Variants in LRFN5 observed in about 807,000 individuals in gnomAD.
The protein encoded by LRFN5 is leucine rich repeat and fibronectin type III domain containing 5, also known as leucine-rich repeat and fibronectin type-III domain-containing protein 5.
A neutral mutation model predicts 45.6 loss-of-function variants in LRFN5; 24 were observed. The ratio of observed to expected loss-of-function variants is 0.53; its 90% CI spans 0.38 to 0.74. The LOEUF (loss-of-function observed/expected upper bound fraction) is 0.74, where lower values mean the gene tolerates loss of function less well. Among genes scored for constraint, LRFN5 ranks in the 30% least tolerant of loss-of-function variants. The pLI is 0.00. For synonymous variants in LRFN5, 340 were observed against 313.8 expected (o/e 1.08, Z -0.88); for missense variants, 776 against 861.5 (o/e 0.90, Z 1.24).
intron 1 of LRFN5, among the ~76,000 whole-genome samples, chr14:41,722,472 T>C (rs1245886072): frequency 6.6e-6 from 1 of 152,164 alleles, no homozygotes; most frequent in Admixed American, 6.5e-5. Context: ...TGATTTCTTA[T>C]GTGGAGACAC....
At chr14:41,759,533 T>C (rs887260364) in intron 1 of LRFN5, among the ~76,000 whole-genome samples, 3 of 151,634 alleles carry the variant, frequency 2.0e-5, no homozygotes, top group African/African-American at 7.3e-5. Context: ...TTTATTTTAT[T>C]TTATTGGCTA....
intron 2 of LRFN5, among the ~76,000 whole-genome samples, chr14:41,829,698 G>T (rs1287271225): frequency 2.1e-5 from 3 of 144,810 alleles, no homozygotes; most frequent in Non-Finnish European, 4.6e-5. Context: ...ATATATTTGT[G>T]TGTGTGCTTA....
At chr14:41,659,892 G>GTTTTTTTTTTTTTTTTTTTTTTTTTT (rs11352345) in intron 1 of LRFN5, among the ~76,000 whole-genome samples, 1 of 123,894 alleles carries the variant, frequency 8.1e-6, no homozygotes, top group Non-Finnish European at 1.8e-5. Context: ...ACTTTTTGAT[G>GTTTTTTTTTTTTTTTTTTTTTTTTTT]TTTTTTTTTT....
At chr14:41,628,981 A>G (rs1047259209) in intron 1 of LRFN5, among the ~76,000 whole-genome samples, 2 of 152,102 alleles carry the variant, frequency 1.3e-5, no homozygotes, top group Non-Finnish European at 2.9e-5. Context: ...TTAGTGTGTA[A>G]ACTGTTAAAA....
intron 1 of LRFN5, among the ~76,000 whole-genome samples, chr14:41,651,695 A>G (rs567150116): frequency 6.6e-6 from 1 of 152,314 alleles, no homozygotes; most frequent in East Asian, 1.9e-4. Context: ...TAACTGAGCC[A>G]CAAATTTTAC....
At chr14:41,705,762 T>C (rs1485004087) in intron 1 of LRFN5, among the ~76,000 whole-genome samples, 1 of 152,232 alleles carries the variant, frequency 6.6e-6, no homozygotes, top group Non-Finnish European at 1.5e-5. Flanking sequence ...TACACATTTA[T>C]AGTAAACGAT....
At chr14:41,634,970 GTTTTA>G (rs1879228026) in intron 1 of LRFN5, among the ~76,000 whole-genome samples, 3 of 152,024 alleles carry the variant, frequency 2.0e-5, no homozygotes, top group South Asian at 4.2e-4. Context: ...CATTTAAACA[GTTTTA>G]TTTTATGCTG....
chr14:41,805,402 A>ATTTAT (rs1444588353), intron 2 of LRFN5, among the ~76,000 whole-genome samples: 2 of 148,996 alleles, frequency 1.3e-5, no homozygotes, highest in African/African-American at 4.9e-5. Flanking sequence ...TTATTTATTT[A>ATTTAT]TTTATTTATT....
At chr14:41,874,801 G>T (rs571536689) in intron 2 of LRFN5, among the ~76,000 whole-genome samples, 1 of 152,118 alleles carries the variant, frequency 6.6e-6, no homozygotes, top group African/African-American at 2.4e-5. Context: ...ACAGTTTAGC[G>T]GGGCTGGAAA....
chr14:41,644,780 G>A (rs1879735121), intron 1 of LRFN5, among the ~76,000 whole-genome samples: 2 of 152,122 alleles, frequency 1.3e-5, no homozygotes, highest in Non-Finnish European at 2.9e-5. Flanking sequence ...CAGATGCTGA[G>A]GATCAGAACA....
chr14:41,782,347 T>C (rs890677241), intron 2 of LRFN5, among the ~76,000 whole-genome samples: 3 of 152,114 alleles, frequency 2.0e-5, no homozygotes, highest in Non-Finnish European at 4.4e-5. Context: ...CATTTTTCCT[T>C]TCTGTTACAA....
At chr14:41,838,445 G>A (rs886193364) in intron 2 of LRFN5, among the ~76,000 whole-genome samples, 19 of 152,036 alleles carry the variant, frequency 1.2e-4, no homozygotes, top group Admixed American at 7.9e-4. Context: ...GTATCTGCCC[G>A]CACCATACAA....
chr14:41,753,407 G>T (rs1163624302), intron 1 of LRFN5, among the ~76,000 whole-genome samples: 1 of 152,124 alleles, frequency 6.6e-6, no homozygotes, highest in Non-Finnish European at 1.5e-5. Context: ...AGCATGGAAT[G>T]TTCTTCCATT....
rs188562892 is a variant in LRFN5 at position 41,777,012 on chromosome 14, T to C, written c.-21+9983T>C. Among the ~76,000 whole-genome samples, 8 of 152,114 alleles carry C rather than the reference T, an allele frequency of 5.3e-5. 1 individual carries two copies. The East Asian group carries it at 1.4e-3, about 26-fold the overall frequency. On this transcript the variant is annotated intron_variant, in intron 2 of 5. Transcript: ENST00000298119. ...CACTGCCATATACAGTTTTCATATA[T>C]GAATGGATATATCTTGATTTTTCTA...
chr14:41,697,290 G>A (rs1410483665), intron 1 of LRFN5, among the ~76,000 whole-genome samples: 1 of 151,624 alleles, frequency 6.6e-6, no homozygotes, highest in Non-Finnish European at 1.5e-5. Flanking sequence ...ATTAAATTTT[G>A]CTTTTTAATT....
At chr14:41,863,731 C>T (rs1889745495) in intron 2 of LRFN5, among the ~76,000 whole-genome samples, 1 of 152,116 alleles carries the variant, frequency 6.6e-6, no homozygotes, top group African/African-American at 2.4e-5. Context: ...ACTTGGAGAA[C>T]GTGCAGGTTT....
At chr14:41,877,617 A>AATACATGTG (rs1324619675) in intron 2 of LRFN5, among the ~76,000 whole-genome samples, 1 of 151,556 alleles carries the variant, frequency 6.6e-6, no homozygotes, top group East Asian at 1.9e-4. Context: ...TCATGGTAAA[A>AATACATGTG]ATACATGTGT....
chr14:41,676,163 G>T (rs1248431169), intron 1 of LRFN5, among the ~76,000 whole-genome samples: 1 of 152,166 alleles, frequency 6.6e-6, no homozygotes, highest in Non-Finnish European at 1.5e-5. Context: ...TTCAATGACT[G>T]TATCTTCTTT....
intron 2 of LRFN5, among the ~76,000 whole-genome samples, chr14:41,856,519 T>G (rs916451816): frequency 3.9e-5 from 6 of 151,908 alleles, no homozygotes; most frequent in Non-Finnish European, 7.4e-5. Flanking sequence ...TTATGGGGTG[T>G]GTTCACCCCC....
Sources: allele counts gnomAD v4.1 joint callset (sites outside exome capture counted in the v4.1 genomes callset), GRCh38; gene constraint gnomAD v4.1.1; transcripts MANE v1.5; gene names NCBI Gene and HGNC (gene_info 2026-07-23, HGNC 2026-07-21).